Variants in CDC7 observed in about 807,000 individuals in gnomAD.
CDC7 encodes cell division cycle 7, also known as cell division cycle 7-related protein kinase.
In CDC7, 34 loss-of-function variants were observed where a neutral mutation model predicts 53.5. The ratio of observed to expected loss-of-function variants is 0.64; its 90% CI spans 0.48 to 0.85. The LOEUF (loss-of-function observed/expected upper bound fraction) is 0.85. CDC7 is among the 40% of genes least tolerant of loss of function. CDC7 has a pLI of 0.00. For missense variants in CDC7, 594 were observed against 679.7 expected (o/e 0.87, Z 1.40); for synonymous variants, 211 against 222.8 (o/e 0.95, Z 0.47).
At chr1:91,522,769 T>C (rs13447551) in intron 11 of CDC7, among the ~76,000 whole-genome samples, 3,288 of 152,274 alleles carry the variant, frequency 0.022, 112 homozygotes, top group African/African-American at 0.075. Flanking sequence ...CTCAAAGAAT[T>C]TGGTCTTCAG....
chr1:91,508,727 A>G (rs949395458), intron 4 of CDC7, among the ~76,000 whole-genome samples: 2 of 152,036 alleles, frequency 1.3e-5, no homozygotes, highest in African/African-American at 4.8e-5. Context: ...TTCCCCAGCT[A>G]TTGACGACCT....
chr1:91,514,106 A>G, intron 8 of CDC7, 63 bp downstream of exon 8: 1 of 1,055,240 alleles, frequency 9.5e-7, no homozygotes, highest in Admixed American at 2.1e-5. Context: ...AATTTAGGTA[A>G]TAACTAGATT....
chr1:91,518,774 T>C (rs1667740349), intron 10 of CDC7, among the ~76,000 whole-genome samples: 1 of 151,872 alleles, frequency 6.6e-6, no homozygotes, highest in Admixed American at 6.6e-5. Context: ...GGACAGCTGA[T>C]GGGTACAAAA....
At chr1:91,512,682 T>C (rs1667346531) in intron 6 of CDC7, among the ~76,000 whole-genome samples, 1 of 152,106 alleles carries the variant, frequency 6.6e-6, no homozygotes, top group Non-Finnish European at 1.5e-5. Context: ...TTTAATTGGA[T>C]CAGATTTTAA....
intron 8 of CDC7, among the ~76,000 whole-genome samples, chr1:91,514,264 C>CTAACCAAA (rs1667437572): frequency 6.6e-6 from 1 of 152,108 alleles, no homozygotes; most frequent in African/African-American, 2.4e-5. Context: ...TTAGCTATTA[C>CTAACCAAA]TGTCTTTCTC....
intron 10 of CDC7, among the ~76,000 whole-genome samples, chr1:91,518,019 G>A (rs1335053257): frequency 2.1e-5 from 3 of 145,750 alleles, no homozygotes; most frequent in Admixed American, 1.4e-4. Flanking sequence ...AATTGAACCC[G>A]GGAGGCAGAG....
intron 2 of CDC7, among the ~76,000 whole-genome samples, chr1:91,503,826 A>T (rs1445618147): frequency 6.6e-6 from 1 of 151,914 alleles, no homozygotes; most frequent in Non-Finnish European, 1.5e-5. Flanking sequence ...CTAAATTGGG[A>T]TCTTGTTTTG....
intron 7 of CDC7, 70 bp downstream of exon 7, chr1:91,513,377 G>C: frequency 7.2e-7 from 1 of 1,391,248 alleles, no homozygotes; most frequent in Non-Finnish European, 1.0e-6. Context: ...AACAGAGGGA[G>C]ATAGAATACT....
chr1:91,501,804 A>T lies in CDC7; in HGVS notation c.88A>T (p.Lys30Ter). 6.2e-7 allele frequency: 1 copy of T among 1,614,148 alleles called. No homozygotes were observed. Among genetic ancestry groups the T allele is most frequent in the Non-Finnish European group, 8.5e-7 (1 of 1,179,954 alleles). ...GTTTCAGGCTGAAGGCTCTTTAAAAAAAAACGAGCAGAATTTTAAACTTGC... is the reference window on the plus strand; with the variant it reads ...GTTTCAGGCTGAAGGCTCTTTAAAATAAAACGAGCAGAATTTTAAACTTGC... ...DRFQAEGSLK[K>*]NEQNFKLAGV... The change falls in exon 2 of 12, where the codon AAA (lysine) becomes TAA (stop). Residue 30 changes from lysine to a stop codon, truncating the protein, a stop_gained. Coordinates refer to ENST00000234626, the MANE Select transcript of CDC7 (RefSeq NM_003503.4). LOFTEE classifies it high-confidence loss of function.
At chr1:91,511,975 A>T (rs1348143112) in intron 6 of CDC7, 52 bp downstream of exon 6, 2 of 1,314,998 alleles carry the variant, frequency 1.5e-6, no homozygotes, top group South Asian at 1.4e-5. Flanking sequence ...TTTAAAAAAC[A>T]ATTTTATTGT....
At position 91,524,285 on chromosome 1, in the gene CDC7, TGATGAGTATAATACCAATTTA is replaced by T; in HGVS notation, c.1578_1598del (p.Asp526_Leu532del). The T allele has an allele frequency of 6.2e-7, 1 of 1,614,128 alleles. No individual in the cohort carries two copies. The highest frequency in any genetic ancestry group is 8.5e-7 in the Non-Finnish European group (1 of 1,179,986). On this transcript the variant is annotated inframe_deletion, in exon 12 of 12. Transcript: ENST00000234626. The stretch of plus-strand genomic sequence containing the variant: ...ATAGTAATAGCTGTGAGCATTGTTT[TGATGAGTATAATACCAATTTA>T]GAAGGCTGGAATGAGGTACCTGATG...
At chr1:91,511,538 A>C in intron 4 of CDC7, 59 bp from the exon 5 acceptor site, 2 of 1,103,380 alleles carry the variant, frequency 1.8e-6, no homozygotes, top group South Asian at 2.8e-5. Context: ...AAAATTAGGC[A>C]TAAAGTTTCA....
At chr1:91,501,585 G>GGC in intron 1 of CDC7, 69 bp from the exon 2 acceptor site, 1 of 713,122 alleles carries the variant, frequency 1.4e-6, no homozygotes, top group African/African-American at 1.8e-5. Flanking sequence ...CCTTTGGGGG[G>GGC]CAGTAGCATG....
Position 91,524,355 on chromosome 1 carries a change from C to T in CDC7, c.1645C>T (p.Leu549Phe), listed in dbSNP as rs894413602. ...TGAAGCTTATGACCTGCTTGATAAA[C>T]TTCTAGATCTAAATCCAGCTTCAAG... is the stretch of plus-strand genomic sequence containing the variant. The part of the protein sequence containing the change: ...PDEAYDLLDK[L>F]LDLNPASRIT... The change falls in exon 12 of 12, where the codon CTT (leucine) becomes TTT (phenylalanine). Residue 549 changes from leucine to phenylalanine, a missense_variant. Coordinates refer to ENST00000234626, the MANE Select transcript of CDC7 (RefSeq NM_003503.4). 1.9e-6 allele frequency: 3 copies of T among 1,613,426 alleles called. No homozygotes were observed. The highest frequency in any genetic ancestry group is 2.7e-5 in the African/African-American group (2 of 74,906).
intron 6 of CDC7, 148 bp from the exon 7 acceptor site, chr1:91,512,910 A>ATTTTTTTTTTTTT (rs199704036): frequency 2.9e-6 from 2 of 686,184 alleles, no homozygotes; most frequent in African/African-American, 1.8e-5. Context: ...TGGAAAACTT[A>ATTTTTTTTTTTTT]TTTTTTTTTC....
chr1:91,507,407 C>A (rs952145444), intron 2 of CDC7, among the ~76,000 whole-genome samples: 3 of 152,152 alleles, frequency 2.0e-5, no homozygotes, highest in Non-Finnish European at 4.4e-5. Context: ...GGCCTTCTCT[C>A]TGAAAATATA....
chr1:91,516,475 G>A (rs1298357286), intron 10 of CDC7, among the ~76,000 whole-genome samples: 1 of 152,144 alleles, frequency 6.6e-6, no homozygotes, highest in Non-Finnish European at 1.5e-5. Context: ...GGGCTTTGAA[G>A]AAATGTATTC....
chr1:91,514,308 T>C (rs898548227), intron 8 of CDC7, among the ~76,000 whole-genome samples: 3 of 152,172 alleles, frequency 2.0e-5, no homozygotes, highest in African/African-American at 7.2e-5. Context: ...GGGCTTTCTG[T>C]CATTGCTAGA....
At chr1:91,520,848 A>C (rs1292028501) in intron 11 of CDC7, among the ~76,000 whole-genome samples, 1 of 152,138 alleles carries the variant, frequency 6.6e-6, no homozygotes, top group Non-Finnish European at 1.5e-5. Context: ...AACTGATGGG[A>C]TATTATTGTA....
Sources: allele counts gnomAD v4.1 joint callset (sites outside exome capture counted in the v4.1 genomes callset), GRCh38; gene constraint gnomAD v4.1.1; transcripts MANE v1.5; gene names NCBI Gene and HGNC (gene_info 2026-07-23, HGNC 2026-07-21).